Variants in MED12 observed in about 807,000 individuals in gnomAD.
The protein encoded by MED12 is mediator complex subunit 12, also known as mediator of RNA polymerase II transcription subunit 12.
Under a neutral mutation model 177.7 loss-of-function variants are expected in MED12, and 10 were observed. The ratio of observed to expected loss-of-function variants is 0.06; its 90% CI spans 0.03 to 0.10. MED12 has a LOEUF of 0.10. Among genes scored for constraint, MED12 ranks in the 10% least tolerant of loss-of-function variants. MED12 has a pLI of 1.00. For synonymous variants in MED12, 641 were observed against 678.4 expected (o/e 0.94, Z 0.86); for missense variants, 867 against 1,780.8 (o/e 0.49, Z 9.23).
At chrX:71,138,660 A>T (rs2147833046) in intron 41 of MED12, among the ~76,000 whole-genome samples, 1 of 109,400 alleles carries the variant, frequency 9.1e-6, no homozygotes, top group East Asian at 2.9e-4. Context: ...AGATTGCTTG[A>T]GCTTGGGAGT....
chrX:71,123,052 C>T, intron 10 of MED12, 43 bp from the exon 11 acceptor site: 2 of 1,207,364 alleles, frequency 1.7e-6, no homozygotes, highest in Non-Finnish European at 2.2e-6. Flanking sequence ...TTTCTTTGTC[C>T]CCACCCCTAC....
chrX:71,129,091 G>C, intron 24 of MED12, 23 bp from the exon 25 acceptor site: 1 of 1,157,888 alleles, frequency 8.6e-7, no homozygotes, highest in Non-Finnish European at 1.2e-6. Flanking sequence ...ATCCCTTCCA[G>C]ATCTGTTTTG....
intron 41 of MED12, among the ~76,000 whole-genome samples, chrX:71,139,720 G>A (rs192803084): frequency 2.7e-5 from 3 of 110,863 alleles, no homozygotes; most frequent in South Asian, 3.9e-4. Context: ...TCAACATGGT[G>A]AAATCCCGTC....
chrX:71,141,814 G>A (rs970497218), intron 43 of MED12, 69 bp from the exon 44 acceptor site: 23 of 908,417 alleles, frequency 2.5e-5, no homozygotes, highest in Non-Finnish European at 3.5e-5. Flanking sequence ...AAAAAAAAAC[G>A]GATTGGGAAA....
chrX:71,132,339 G>A (rs2147814139), intron 30 of MED12, 38 bp from the exon 31 acceptor site: 1 of 1,205,065 alleles, frequency 8.3e-7, no homozygotes, highest in East Asian at 3.0e-5. Context: ...GCCTTGCCTG[G>A]CTCCCCTGTG....
intron 18 of MED12, 93 bp from the exon 19 acceptor site, chrX:71,126,248 C>T: frequency 8.6e-7 from 1 of 1,168,965 alleles, no homozygotes; most frequent in South Asian, 1.8e-5. Context: ...CAGGCTAAGC[C>T]TCCTGGTCTC....
chrX:71,128,945 C>A, intron 24 of MED12, 169 bp from the exon 25 acceptor site: 1 of 556,639 alleles, frequency 1.8e-6, no homozygotes, highest in Non-Finnish European at 3.0e-6. Flanking sequence ...CGTAACAGTT[C>A]TCTGCTCTAC....
At chrX:71,136,849 A>G (rs201258844) in intron 37 of MED12, 30 bp from the exon 38 acceptor site, 62 of 1,207,574 alleles carry the variant, frequency 5.1e-5, no homozygotes, top group Admixed American at 6.6e-5. Flanking sequence ...GCTACAACCC[A>G]CTCACCCTCT....
rs777825769 is a variant in MED12, at chrX:71,137,607, G to A, written c.5798G>A (p.Ser1933Asn). 3 of 1,210,681 alleles carry A rather than the reference G, an allele frequency of 2.5e-6. No homozygotes were observed. In the South Asian group the frequency reaches 5.3e-5, roughly 21 times the overall value. Residue 1933 changes from serine to asparagine, a missense_variant, in exon 40 of 45, where the codon AGC becomes AAC. This residue lies in a region of MED12 where 236 missense variants were observed against 345.2 expected (regional missense o/e 0.68). Coordinates refer to ENST00000374080, the MANE Select transcript of MED12 (RefSeq NM_005120.3). ...TCATCTGTCCATCAGATGACTCCCAGCTCTTCCTACGGTTTGCAGACTTCC... is the reference window on the plus strand; with the variant it reads ...TCATCTGTCCATCAGATGACTCCCAACTCTTCCTACGGTTTGCAGACTTCC... ...GQSSVHQMTP[S>N]SSYGLQTSQG...
chrX:71,138,083 A>G (rs1218327007), intron 41 of MED12, 140 bp downstream of exon 41: 1 of 595,344 alleles, frequency 1.7e-6, no homozygotes, highest in Non-Finnish European at 2.8e-6. Flanking sequence ...CACATAGCCC[A>G]TAACCACAGA....
At chrX:71,126,224 T>C in intron 18 of MED12, 70 bp downstream of exon 18, 1 of 1,156,751 alleles carries the variant, frequency 8.6e-7, no homozygotes, top group Non-Finnish European at 1.2e-6. Flanking sequence ...CTTCCCTATC[T>C]TCTCCCTGCT....
chrX:71,137,253 C>T lies in MED12; in HGVS notation c.5618C>T (p.Thr1873Ile). 3 of 1,212,144 alleles carry T rather than the reference C, an allele frequency of 2.5e-6. No individual in the cohort carries two copies. The highest frequency in any genetic ancestry group is 5.9e-5 in the East Asian group (2 of 33,849). ...ATGCAGAAGCTGCCCACCCGACCAA[C>T]TTACCCTGGAGTGCTGCCCACAACC... The part of the protein sequence containing the change: ...LPMQKLPTRP[T>I]YPGVLPTTMT... Residue 1873 changes from threonine (T) to isoleucine (I), a missense_variant, in exon 39 of 45, where the codon ACT becomes ATT. By Grantham distance (89) the Thr-to-Ile change is moderately conservative. Coordinates refer to ENST00000374080, the MANE Select transcript of MED12 (RefSeq NM_005120.3).
At chrX:71,136,733 G>A (rs1458329436) in intron 37 of MED12, 78 bp downstream of exon 37, 1 of 1,183,722 alleles carries the variant, frequency 8.4e-7, no homozygotes, top group Non-Finnish European at 1.1e-6. Context: ...TGGGAGGGGT[G>A]GGGGCGCATA....
chrX:71,128,752 A>C (rs1245528227), intron 24 of MED12, 34 bp downstream of exon 24: 1 of 1,199,213 alleles, frequency 8.3e-7, no homozygotes, highest in African/African-American at 1.7e-5. Context: ...TAGCATTTCT[A>C]GACCTCAAAT....
chrX:71,136,707 TC>T (rs1355783984), intron 37 of MED12, 52 bp downstream of exon 37: 1 of 1,199,767 alleles, frequency 8.3e-7, no homozygotes. Context: ...TTCATGACGC[TC>T]CGGTTTCTGG....
chrX:71,124,910 C>T (rs1269137027), intron 14 of MED12, 66 bp downstream of exon 14: 1 of 1,185,194 alleles, frequency 8.4e-7, no homozygotes, highest in Non-Finnish European at 1.1e-6. Flanking sequence ...CTGCTTTTGG[C>T]ATGTTTTTTT....
In MED12 at chrX:71,125,009, G is replaced by A; in HGVS notation, c.2089G>A (p.Gly697Ser). Residue 697 changes from glycine (G) to serine (S), a missense_variant, in exon 15 of 45, where the codon GGC (glycine) becomes AGC (serine). Transcript: ENST00000374080. Reference sequence around the variant, plus strand: ...CCCTACTATGCCCTGTGAGGGGAAGGGCAGTCCATCCCCTGAGAAGCCAGA... The same window carrying A: ...CCCTACTATGCCCTGTGAGGGGAAGAGCAGTCCATCCCCTGAGAAGCCAGA... Reference protein sequence around the residue: ...FSPTMPCEGKGSPSPEKPDVE... With the variant: ...FSPTMPCEGKSSPSPEKPDVE... The A allele has an allele frequency of 1.7e-6, 2 of 1,210,884 alleles. No individual in the cohort carries two copies. The highest frequency in any genetic ancestry group is 1.7e-5 in the African/African-American group (1 of 57,546).
Position 71,128,434 on chromosome X carries a change from T to C in MED12, c.3348T>C (p.Asn1116=). The change falls in exon 23 of 45, where the codon AAT becomes AAC. Residue 1116 remains asparagine, a synonymous_variant. Coordinates refer to ENST00000374080, the MANE Select transcript of MED12 (RefSeq NM_005120.3). ...GTGGTTTCAACGATCTCCTCTGCAATGTTGATGTGAGACTTGGGGTGGGGT... is the reference window on the plus strand; with the variant it reads ...GTGGTTTCAACGATCTCCTCTGCAACGTTGATGTGAGACTTGGGGTGGGGT... ...GTCGFNDLLC[N]VDVSDLSFHD... The C allele has an allele frequency of 8.3e-7, 1 of 1,211,146 alleles. No individual in the cohort carries two copies. The highest frequency in any genetic ancestry group is 1.1e-6 in the Non-Finnish European group (1 of 895,377).
intron 13 of MED12, 53 bp downstream of exon 13, chrX:71,124,441 A>G (rs1350127811): frequency 9.9e-7 from 1 of 1,008,743 alleles, no homozygotes. Context: ...TTCCATCTTC[A>G]TGGCTCCCAG....
Sources: allele counts gnomAD v4.1 joint callset (sites outside exome capture counted in the v4.1 genomes callset), GRCh38; gene constraint gnomAD v4.1.1; regional missense constraint gnomAD v4.1.1; transcripts MANE v1.5; gene names NCBI Gene and HGNC (gene_info 2026-07-23, HGNC 2026-07-21).